HERC2: variants seen among roughly 807,000 people sequenced by gnomAD.
HERC2 encodes the protein HECT and RLD domain containing E3 ubiquitin protein ligase 2.
HERC2 carries 102 observed loss-of-function variants against 537.7 expected under a neutral mutation model. The ratio of observed to expected loss-of-function variants is 0.19; its 90% CI spans 0.16 to 0.22. The LOEUF (loss-of-function observed/expected upper bound fraction) is 0.22, where lower values mean the gene tolerates loss of function less well. Among genes scored for constraint, HERC2 ranks in the 10% least tolerant of loss-of-function variants. HERC2 has a pLI of 1.00. For missense variants in HERC2, 4,236 were observed against 6,198.2 expected, an observed-to-expected ratio of 0.68 and a Z score of 10.63; for synonymous variants, 2,224 against 2,466.2, an observed-to-expected ratio of 0.90 and a Z score of 2.91.
At chr15:28,245,836 G>A (rs1903655959) in intron 23 of HERC2, 45 bp downstream of exon 23, 1 of 1,497,158 alleles carries the variant, frequency 6.7e-7, no homozygotes, top group Non-Finnish European at 9.2e-7. Flanking sequence ...GGTTAGACAA[G>A]GACAATAAAA....
intron 3 of HERC2, among the ~76,000 whole-genome samples, chr15:28,294,089 A>G (rs2076395389): frequency 6.6e-6 from 1 of 152,278 alleles, no homozygotes; most frequent in Non-Finnish European, 1.5e-5. Context: ...CTCTGTTTAC[A>G]ACATTTCTGA....
chr15:28,195,910 C>T (rs1232000144), intron 52 of HERC2, among the ~76,000 whole-genome samples: 1 of 152,218 alleles, frequency 6.6e-6, no homozygotes, highest in Non-Finnish European at 1.5e-5. Context: ...CTCCATCTAA[C>T]CAATTCCACA....
intron 84 of HERC2, 131 bp downstream of exon 84, chr15:28,124,875 G>C (rs1889306079): frequency 1.1e-6 from 1 of 948,966 alleles, no homozygotes; most frequent in East Asian, 2.5e-5. Flanking sequence ...TAAATGCACT[G>C]TGTGGTTAAC....
intron 2 of HERC2, among the ~76,000 whole-genome samples, chr15:28,301,759 A>ATG (rs2076639114): frequency 8.7e-6 from 1 of 114,590 alleles, no homozygotes; most frequent in African/African-American, 3.8e-5. Flanking sequence ...ATATATATAT[A>ATG]TATATATATA....
chr15:28,272,905 T>C lies in HERC2; in HGVS notation c.900A>G (p.Arg300=). The C allele has an allele frequency of 1.2e-6, 2 of 1,610,596 alleles. No individual in the cohort carries two copies. Among genetic ancestry groups the C allele is most frequent in the Non-Finnish European group, 1.7e-6 (2 of 1,179,480 alleles). Reference sequence around the variant, plus strand: ...GCGGCAGCCCTCACCTCAGCGTGCCTCTCTGCACAGCCAGCTCCAGCAGGA... The same window carrying C: ...GCGGCAGCCCTCACCTCAGCGTGCCCCTCTGCACAGCCAGCTCCAGCAGGA... The part of the protein sequence containing the change: ...LAILLELAVQ[R]GTLSQMLSAI... Residue 300 remains arginine (R), a synonymous_variant, in exon 8 of 93, where the codon AGA becomes AGG. Coordinates refer to ENST00000261609, the MANE Select transcript of HERC2 (RefSeq NM_004667.6).
At chr15:28,129,411 C>G (rs1889859980) in intron 83 of HERC2, among the ~76,000 whole-genome samples, 1 of 152,198 alleles carries the variant, frequency 6.6e-6, no homozygotes, top group East Asian at 1.9e-4. Flanking sequence ...CCCAGGGTTT[C>G]CATCAGGGCT....
rs376129407 is a variant in HERC2 at position 28,128,473 on chromosome 15, A to G, written c.12802+1690T>C. On this transcript the variant is annotated intron_variant, in intron 83 of 92. Transcript: ENST00000261609. ...TCTCAAAATTTAAAAGAATTAAATA[A>G]GTCAAATAAAAAGTTCTGGATCAAG... Among the ~76,000 whole-genome samples, 7 of 152,228 alleles carry G rather than the reference A, an allele frequency of 4.6e-5. 1 individual carries two copies. Among genetic ancestry groups the G allele is most frequent in the Non-Finnish European group, 5.9e-5 (4 of 68,036 alleles).
At chr15:28,197,004 A>C (rs1026291401) in intron 50 of HERC2, among the ~76,000 whole-genome samples, 11 of 152,266 alleles carry the variant, frequency 7.2e-5, no homozygotes, top group African/African-American at 2.7e-4. Flanking sequence ...GCAACGTGTC[A>C]CTCAAAACAA....
intron 4 of HERC2, among the ~76,000 whole-genome samples, chr15:28,288,956 A>G (rs1303842699): frequency 6.6e-6 from 1 of 151,976 alleles, no homozygotes; most frequent in East Asian, 1.9e-4. Context: ...GGTTTATACC[A>G]TGTTTCACTT....
intron 69 of HERC2, among the ~76,000 whole-genome samples, chr15:28,154,109 T>C (rs1596071187): frequency 6.6e-6 from 1 of 152,232 alleles, no homozygotes; most frequent in African/African-American, 2.4e-5. Context: ...ATAAACTCTG[T>C]TATTTTTAAA....
intron 81 of HERC2, among the ~76,000 whole-genome samples, chr15:28,131,704 C>T (rs1463296572): frequency 6.6e-6 from 1 of 152,152 alleles, no homozygotes; most frequent in Non-Finnish European, 1.5e-5. Context: ...CAGATGCAGT[C>T]CCTTTAGCAA....
chr15:28,282,978 G>T (rs1050302092), intron 4 of HERC2, among the ~76,000 whole-genome samples: 1 of 148,412 alleles, frequency 6.7e-6, no homozygotes. Context: ...GGATGGGACG[G>T]GACGGGACTG....
At chr15:28,184,003 C>T (rs534792925) in intron 56 of HERC2, among the ~76,000 whole-genome samples, 1 of 151,984 alleles carries the variant, frequency 6.6e-6, no homozygotes, top group South Asian at 2.1e-4. Context: ...GCCTGGGCAA[C>T]ACGGTGAAAC....
chr15:28,152,004 C>T (rs1892506163), intron 70 of HERC2, among the ~76,000 whole-genome samples: 3 of 152,336 alleles, frequency 2.0e-5, no homozygotes, highest in Non-Finnish European at 4.4e-5. Context: ...CCAATAGCCT[C>T]GGGTGCTAAT....
At chr15:28,308,031 T>C (rs1412724061) in intron 2 of HERC2, among the ~76,000 whole-genome samples, 13 of 152,252 alleles carry the variant, frequency 8.5e-5, no homozygotes, top group African/African-American at 2.9e-4. Context: ...TCGGCTATTC[T>C]GGGTCTTTTG....
At position 28,276,069 on chromosome 15, in the gene HERC2, C is replaced by T. The variant is rs549780580; in HGVS notation, c.543-1064G>A. On this transcript the variant is annotated intron_variant, in intron 5 of 92. Coordinates refer to ENST00000261609, the MANE Select transcript of HERC2 (RefSeq NM_004667.6). ...AGGTGTGGTGACGGGTGCCTGTAGTCCCAGCTACTCGGAGGCTGAGGCAGG... is the reference window on the plus strand; with the variant it reads ...AGGTGTGGTGACGGGTGCCTGTAGTTCCAGCTACTCGGAGGCTGAGGCAGG... Among the ~76,000 whole-genome samples the T allele has an allele frequency of 4.7e-5, 7 of 150,380 alleles. No individual in the cohort carries two copies. In the East Asian group the frequency reaches 1.4e-3, roughly 30 times the overall value.
chr15:28,246,614 A>T, intron 22 of HERC2, 128 bp downstream of exon 22: 1 of 691,354 alleles, frequency 1.4e-6, no homozygotes, highest in Non-Finnish European at 2.3e-6. Context: ...AAAAAAACAA[A>T]GGTGAAAGGG....
rs749284104 is a variant in HERC2, at chr15:28,265,813, G to A, written c.1756+4C>T. 62 of 1,614,036 alleles carry A rather than the reference G, an allele frequency of 3.8e-5. No individual in the cohort carries two copies. Among genetic ancestry groups the A allele is most frequent in the East Asian group, 1.3e-4 (6 of 44,880 alleles). ...ATGCTCCCACTCATGCAGAGCAGAC[G>A]TACCATGGCCCAGCCGGCCGTAGTT... is the stretch of plus-strand genomic sequence containing the variant. On this transcript the variant is annotated splice_donor_region_variant and intron_variant, in intron 13 of 92. Coordinates refer to ENST00000261609, the MANE Select transcript of HERC2 (RefSeq NM_004667.6). The surrounding 1 kb of genome is among the most constrained non-coding windows in gnomAD (Gnocchi z 4.0).
At chr15:28,210,159 A>T (rs1203995567) in intron 44 of HERC2, among the ~76,000 whole-genome samples, 1 of 151,530 alleles carries the variant, frequency 6.6e-6, no homozygotes, top group Non-Finnish European at 1.5e-5. Flanking sequence ...TTTGAGACAG[A>T]GTCTTGCTCT....
Sources: gnomAD v4.1 joint callset for allele counts (sites outside exome capture counted in the v4.1 genomes callset) on GRCh38, gnomAD v4.1.1 for gene constraint, Gnocchi (gnomAD v3.1) non-coding constraint, MANE v1.5 for transcripts, NCBI Gene and HGNC (gene_info 2026-07-23, HGNC 2026-07-21) for gene names.